TRPC5: variants seen among roughly 807,000 people sequenced by gnomAD.
TRPC5 encodes the protein transient receptor potential cation channel subfamily C member 5.
A neutral mutation model predicts 56.5 loss-of-function variants in TRPC5; 9 were observed. The observed-to-expected ratio is 0.16, with a 90% confidence interval of 0.10 to 0.28. The LOEUF (loss-of-function observed/expected upper bound fraction) is 0.28. Ranked by LOEUF, TRPC5 falls within the 10% of genes least tolerant of loss-of-function variation. TRPC5 has a pLI of 1.00. For synonymous variants in TRPC5, 282 were observed against 278.5 expected (o/e 1.01, Z -0.13); for missense variants, 469 against 748.9 (o/e 0.63, Z 4.36).
At chrX:111,837,753 C>T (rs1569526221) in intron 6 of TRPC5, among the ~76,000 whole-genome samples, 1 of 110,264 alleles carries the variant, frequency 9.1e-6, no homozygotes, top group Non-Finnish European at 1.9e-5. Flanking sequence ...CAAACGTTCC[C>T]TAAAAGTAAA....
At chrX:111,944,268 G>GTA (rs1491580154) in intron 2 of TRPC5, among the ~76,000 whole-genome samples, 1,725 of 20,777 alleles carry the variant, frequency 0.083, 75 homozygotes, top group African/African-American at 0.25. Flanking sequence ...GAGTAGAAGA[G>GTA]TGTGTGTGTG....
intron 1 of TRPC5, among the ~76,000 whole-genome samples, chrX:112,073,377 C>A (rs904465514): frequency 2.7e-5 from 3 of 109,817 alleles, no homozygotes; most frequent in African/African-American, 9.8e-5. Flanking sequence ...TCAAGCAATT[C>A]TCCTGCCTCA....
chrX:111,805,731 T>C (rs1208705946), intron 7 of TRPC5, among the ~76,000 whole-genome samples: 2 of 111,382 alleles, frequency 1.8e-5, no homozygotes, highest in African/African-American at 6.5e-5. Flanking sequence ...TGGAGTGCAG[T>C]GGTGCTATCT....
At chrX:111,997,409 T>A (rs1332269225) in intron 1 of TRPC5, among the ~76,000 whole-genome samples, 1 of 111,802 alleles carries the variant, frequency 8.9e-6, no homozygotes, top group Non-Finnish European at 1.9e-5. Flanking sequence ...TAACTCGACC[T>A]TTCTCTCTGG....
chrX:112,079,722 G>A (rs1930917239), intron 1 of TRPC5, among the ~76,000 whole-genome samples: 1 of 111,816 alleles, frequency 8.9e-6, no homozygotes, highest in African/African-American at 3.3e-5. Flanking sequence ...AGAATCTTAG[G>A]ATTATAGCTC....
intron 1 of TRPC5, among the ~76,000 whole-genome samples, chrX:112,054,123 G>C (rs1397466054): frequency 9.0e-6 from 1 of 111,616 alleles, no homozygotes; most frequent in Non-Finnish European, 1.9e-5. Flanking sequence ...TCTAAAATAG[G>C]TGAGGCTTGA....
At chrX:111,787,844 C>T (rs1189635419) in intron 7 of TRPC5, among the ~76,000 whole-genome samples, 5 of 111,166 alleles carry the variant, frequency 4.5e-5, no homozygotes, top group African/African-American at 1.3e-4. Flanking sequence ...ACACATACAC[C>T]CTCCCAAGAC....
At chrX:112,010,883 G>A (rs2148662753) in intron 1 of TRPC5, among the ~76,000 whole-genome samples, 1 of 111,768 alleles carries the variant, frequency 8.9e-6, no homozygotes, top group Admixed American at 9.5e-5. Context: ...ATAATTGTTT[G>A]TTAAGTAAAT....
At chrX:112,018,713 T>G (rs1201399703) in intron 1 of TRPC5, among the ~76,000 whole-genome samples, 1 of 112,385 alleles carries the variant, frequency 8.9e-6, no homozygotes. Flanking sequence ...ATTCACAGTT[T>G]CTGTGCGTGA....
intron 3 of TRPC5, among the ~76,000 whole-genome samples, chrX:111,870,696 T>C (rs1424950815): frequency 9.0e-6 from 1 of 111,528 alleles, no homozygotes; most frequent in Non-Finnish European, 1.9e-5. Context: ...CTTGGTGGGC[T>C]TGGTGATCAT....
intron 7 of TRPC5, among the ~76,000 whole-genome samples, chrX:111,811,832 T>A (rs1434090886): frequency 9.0e-6 from 1 of 111,680 alleles, no homozygotes; most frequent in Non-Finnish European, 1.9e-5. Flanking sequence ...CTTCTGAACA[T>A]ATAATACCAG....
At chrX:111,929,189 G>A (rs1000403971) in intron 2 of TRPC5, among the ~76,000 whole-genome samples, 1 of 112,110 alleles carries the variant, frequency 8.9e-6, no homozygotes, top group Non-Finnish European at 1.9e-5. Context: ...GAAAAGGGCA[G>A]CAACAGTGAA....
chrX:111,855,396 G>A (rs1923195861), intron 3 of TRPC5, among the ~76,000 whole-genome samples: 2 of 111,700 alleles, frequency 1.8e-5, no homozygotes, highest in Non-Finnish European at 3.8e-5. Context: ...TTTTCTGACT[G>A]ACTGGGATGT....
At chrX:111,970,771 T>C (rs1347573435) in intron 1 of TRPC5, among the ~76,000 whole-genome samples, 3 of 99,392 alleles carry the variant, frequency 3.0e-5, no homozygotes, top group Non-Finnish European at 6.0e-5. Flanking sequence ...CAAGTCACAT[T>C]ACCGTTTTTT....
intron 1 of TRPC5, among the ~76,000 whole-genome samples, chrX:112,034,956 C>T (rs1446985798): frequency 9.3e-6 from 1 of 107,789 alleles, no homozygotes; most frequent in East Asian, 2.9e-4. Flanking sequence ...TTTTTATGTC[C>T]TTAATTTTAC....
At chrX:112,033,725 C>T (rs539063692) in intron 1 of TRPC5, among the ~76,000 whole-genome samples, 2 of 110,920 alleles carry the variant, frequency 1.8e-5, no homozygotes, top group East Asian at 5.7e-4. Flanking sequence ...TGTGCAATTT[C>T]GTCTTTTTGC....
chrX:112,043,225 C>T (rs1181889846), intron 1 of TRPC5, among the ~76,000 whole-genome samples: 2 of 112,004 alleles, frequency 1.8e-5, no homozygotes, highest in Non-Finnish European at 3.8e-5. Context: ...AGTTGACTGA[C>T]AATGTGGATA....
chrX:111,788,326 CAAT>C (rs984944849), intron 7 of TRPC5, among the ~76,000 whole-genome samples: 4 of 111,694 alleles, frequency 3.6e-5, no homozygotes, highest in African/African-American at 1.3e-4. Flanking sequence ...ATGATTATCT[CAAT>C]AGATGCAGAA....
At chrX:111,795,691 A>T (rs1397752833) in intron 7 of TRPC5, among the ~76,000 whole-genome samples, 1 of 111,630 alleles carries the variant, frequency 9.0e-6, no homozygotes, top group Non-Finnish European at 1.9e-5. Flanking sequence ...TATGATGTAA[A>T]TATCTTTGTA....
Sources: allele counts gnomAD v4.1 joint callset (sites outside exome capture counted in the v4.1 genomes callset), GRCh38; gene constraint gnomAD v4.1.1; transcripts MANE v1.5; gene names NCBI Gene and HGNC (gene_info 2026-07-23, HGNC 2026-07-21).